ANKRD44: variants seen among roughly 807,000 people sequenced by gnomAD.
ANKRD44 encodes ankyrin repeat domain 44.
In ANKRD44, 35 loss-of-function variants were observed where a neutral mutation model predicts 116.0. The ratio of observed to expected loss-of-function variants is 0.30; its 90% CI spans 0.23 to 0.40. The LOEUF is 0.40. Ranked by LOEUF, ANKRD44 falls within the 10% of genes least tolerant of loss-of-function variation. The pLI, the probability that ANKRD44 is intolerant of heterozygous loss-of-function variation, is 1.00. For missense variants in ANKRD44, 1,014 were observed against 1,242.6 expected (o/e 0.82, Z 2.77); for synonymous variants, 435 against 461.8 (o/e 0.94, Z 0.74).
At chr2:197,029,405 G>A in intron 16 of ANKRD44, 1 of 285,302 alleles carries the variant, frequency 3.5e-6, no homozygotes, top group Non-Finnish European at 6.7e-6. Flanking sequence ...AGGGCTCTTT[G>A]GAGCTCTAGG....
intron 1 of ANKRD44, among the ~76,000 whole-genome samples, chr2:197,207,758 A>G (rs1392923083): frequency 6.6e-6 from 1 of 152,196 alleles, no homozygotes; most frequent in Non-Finnish European, 1.5e-5. Context: ...GAAATGTTAT[A>G]GAAAAAAGGA....
chr2:197,040,461 C>T (rs2076890716), intron 16 of ANKRD44, among the ~76,000 whole-genome samples: 1 of 139,164 alleles, frequency 7.2e-6, no homozygotes. Context: ...ACTGCAACTT[C>T]CGCTTCCCGG....
At chr2:196,992,768 CT>C (rs2075945053) in intron 27 of ANKRD44, 1 of 152,612 alleles carries the variant, frequency 6.6e-6, no homozygotes, top group South Asian at 2.1e-4. Flanking sequence ...AGTATGGCTG[CT>C]TACTTCTGAG....
At chr2:197,224,315 G>T (rs1266655324) in intron 1 of ANKRD44, among the ~76,000 whole-genome samples, 1 of 152,120 alleles carries the variant, frequency 6.6e-6, no homozygotes, top group Non-Finnish European at 1.5e-5. Context: ...TCCACAATTG[G>T]CTTTTTCCTC....
chr2:197,219,375 C>A (rs1029257217), intron 1 of ANKRD44, among the ~76,000 whole-genome samples: 4 of 152,092 alleles, frequency 2.6e-5, no homozygotes, highest in African/African-American at 9.7e-5. Flanking sequence ...GCCCTAAAGT[C>A]ACTTTTTTAA....
At chr2:197,242,601 T>C (rs923482749) in intron 1 of ANKRD44, among the ~76,000 whole-genome samples, 4 of 152,192 alleles carry the variant, frequency 2.6e-5, no homozygotes, top group African/African-American at 9.7e-5. Flanking sequence ...AAAAAAGGGC[T>C]CATCTTCTAA....
rs140954998 is a variant in ANKRD44 at position 196,981,067 on chromosome 2, T to A, written c.2368+12516A>T. On this transcript the variant is annotated intron_variant, in intron 21 of 21. Transcript: ENST00000424317. ...TCCCATGGTTATATCCTTTGCTTTG[T>A]CATCCTCAAAACTATACCACCTGTG... Among the ~76,000 whole-genome samples the A allele has an allele frequency of 1.2e-3, 186 of 152,336 alleles. 1 individual carries two copies. The highest frequency in any genetic ancestry group is 4.1e-3 in the African/African-American group (171 of 41,576).
At chr2:197,229,941 G>A (rs559525123) in intron 1 of ANKRD44, among the ~76,000 whole-genome samples, 1 of 152,216 alleles carries the variant, frequency 6.6e-6, no homozygotes, top group Non-Finnish European at 1.5e-5. Flanking sequence ...TGATTGCTGA[G>A]CTAACCATAA....
intron 1 of ANKRD44, among the ~76,000 whole-genome samples, chr2:197,193,126 C>A (rs1312703536): frequency 6.6e-6 from 1 of 152,162 alleles, no homozygotes; most frequent in African/African-American, 2.4e-5. Flanking sequence ...ATTACCTAAT[C>A]TTTTCCCAAT....
At chr2:197,157,830 G>C (rs577761905) in intron 2 of ANKRD44, among the ~76,000 whole-genome samples, 2 of 152,272 alleles carry the variant, frequency 1.3e-5, no homozygotes, top group African/African-American at 4.8e-5. Flanking sequence ...AAGGTAAATG[G>C]TTTATGCCTA....
chr2:197,110,899 C>A (rs2078549517), intron 8 of ANKRD44, 55 bp from the exon 9 acceptor site: 2 of 1,300,032 alleles, frequency 1.5e-6, no homozygotes, highest in South Asian at 2.4e-5. Context: ...GCCAGTGACA[C>A]CCATCTGAAA....
chr2:197,057,609 C>G lies in ANKRD44; in HGVS notation c.1650+21094G>C, dbSNP rs569092221. Among the ~76,000 whole-genome samples, 3 of 152,268 alleles carry G rather than the reference C, an allele frequency of 2.0e-5. No homozygotes were observed. The South Asian group carries it at 6.2e-4, about 32-fold the overall frequency. On this transcript the variant is annotated intron_variant, in intron 16 of 27. Transcript: ENST00000282272. Reference sequence around the variant, plus strand: ...AATTTTCTGACCAGGTATGGTGGCTCTTATCTGTAATCTCAGCACTTTGGG... The same window carrying G: ...AATTTTCTGACCAGGTATGGTGGCTGTTATCTGTAATCTCAGCACTTTGGG...
chr2:197,305,206 C>A (rs2084033958), intron 1 of ANKRD44, among the ~76,000 whole-genome samples: 1 of 152,082 alleles, frequency 6.6e-6, no homozygotes, highest in South Asian at 2.1e-4. Context: ...AAAACAACAA[C>A]AAAAAACACT....
chr2:197,244,669 G>A (rs911161788), intron 1 of ANKRD44, among the ~76,000 whole-genome samples: 1 of 152,164 alleles, frequency 6.6e-6, no homozygotes, highest in Non-Finnish European at 1.5e-5. Context: ...CTCAGCTTAC[G>A]ATTATTCACC....
At chr2:197,095,811 C>T (rs1334973910) in intron 10 of ANKRD44, among the ~76,000 whole-genome samples, 2 of 152,196 alleles carry the variant, frequency 1.3e-5, no homozygotes, top group African/African-American at 4.8e-5. Context: ...CCCCTCAGAG[C>T]AGTGCCCAGA....
At chr2:197,139,762 T>C (rs1295007774) in intron 3 of ANKRD44, among the ~76,000 whole-genome samples, 1 of 152,138 alleles carries the variant, frequency 6.6e-6, no homozygotes, top group Non-Finnish European at 1.5e-5. Context: ...AAATATTTTC[T>C]AACAAAATAT....
intron 16 of ANKRD44, among the ~76,000 whole-genome samples, chr2:197,045,657 C>G (rs764440755): frequency 2.6e-5 from 4 of 152,182 alleles, no homozygotes; most frequent in Non-Finnish European, 4.4e-5. Flanking sequence ...TTCTAAACAC[C>G]ACTGGTCACT....
At chr2:197,103,552 C>T (rs868274627) in intron 9 of ANKRD44, among the ~76,000 whole-genome samples, 41 of 151,850 alleles carry the variant, frequency 2.7e-4, no homozygotes, top group African/African-American at 3.1e-4. Flanking sequence ...TGATGACTAA[C>T]GGGTATGAGG....
chr2:197,259,401 TA>T (rs2082538107), intron 1 of ANKRD44, among the ~76,000 whole-genome samples: 3 of 152,192 alleles, frequency 2.0e-5, no homozygotes, highest in Admixed American at 1.3e-4. Flanking sequence ...AAAACAAAGT[TA>T]CTTGGAAGAT....
Sources: gnomAD v4.1 joint callset for allele counts (sites outside exome capture counted in the v4.1 genomes callset) on GRCh38, gnomAD v4.1.1 for gene constraint, MANE v1.5 for transcripts, NCBI Gene and HGNC (gene_info 2026-07-23, HGNC 2026-07-21) for gene names.